ABL1: variants seen among roughly 807,000 people sequenced by gnomAD.
ABL1 encodes tyrosine-protein kinase ABL1.
In ABL1, 11 loss-of-function variants were observed where a neutral mutation model predicts 94.7. The ratio of observed to expected loss-of-function variants is 0.12; its 90% CI spans 0.07 to 0.19. ABL1 has a LOEUF of 0.19. ABL1 is among the 10% of genes least tolerant of loss of function. The pLI is 1.00. For synonymous variants in ABL1, 656 were observed against 622.4 expected (o/e 1.05, Z -0.80); for missense variants, 1,082 against 1,489.4 (o/e 0.73, Z 4.50).
In ABL1 at chr9:130,886,739, T is replaced by G. The variant is rs1831591570; in HGVS notation, c.*1056T>G. The G allele has an allele frequency of 4.3e-6, 1 of 233,424 alleles. No homozygotes were observed. The highest frequency in any genetic ancestry group is 2.2e-5 in the African/African-American group (1 of 45,338). The allele number at this position is 233,424 out of a possible 1,614,324, so 14.5% of individuals were successfully genotyped here. On this transcript the variant is annotated 3_prime_UTR_variant, in exon 11 of 11. Coordinates refer to ENST00000318560, the MANE Select transcript of ABL1 (RefSeq NM_005157.6). ...TCCTTTGGAACAAGACAGCCTTCAC[T>G]TTTCTGAGTTCTTGAAGCATTTCAA...
chr9:130,782,302 C>G (rs1236735531), intron 1 of ABL1, among the ~76,000 whole-genome samples: 2 of 152,166 alleles, frequency 1.3e-5, no homozygotes, highest in African/African-American at 4.8e-5. Flanking sequence ...CTCAAGTGAT[C>G]CGCCTGCCTT....
In ABL1 at chr9:130,863,853, G is replaced by C. The variant is rs976036068; in HGVS notation, c.822+818G>C. Among the ~76,000 whole-genome samples the C allele has an allele frequency of 6.6e-6, 1 of 152,136 alleles. No individual in the cohort carries two copies. The highest frequency in any genetic ancestry group is 2.4e-5 in the African/African-American group (1 of 41,420). On this transcript the variant is annotated intron_variant, in intron 4 of 10. Coordinates refer to ENST00000318560, the MANE Select transcript of ABL1 (RefSeq NM_005157.6). This position sits in a 1 kb window ranked among gnomAD's most constrained non-coding sequence, Gnocchi z 4.3. ...AAATGAACTTTGATTACCTTGACCT[G>C]TGCACAGAAATCAAGAGAGGCAGCC... is the stretch of plus-strand genomic sequence containing the variant.
intron 1 of ABL1, among the ~76,000 whole-genome samples, chr9:130,792,331 A>C (rs1283870498): frequency 1.3e-5 from 2 of 152,170 alleles, no homozygotes. Context: ...TCTGCCCTTC[A>C]AGTTCACATG....
At chr9:130,724,285 T>TA (rs200382512) in intron 1 of ABL1, among the ~76,000 whole-genome samples, 21 of 152,042 alleles carry the variant, frequency 1.4e-4, no homozygotes, top group African/African-American at 3.1e-4. Context: ...AGGCTCTCCA[T>TA]AAAAAAAATT....
rs201278085 is a variant in ABL1 at position 130,884,325 on chromosome 9, T to C, written c.2035T>C (p.Ser679Pro). Residue 679 changes from serine to proline, a missense_variant, in exon 11 of 11, where the codon TCA becomes CCA. Transcript: ENST00000318560. This position sits in a 1 kb window ranked among gnomAD's most constrained non-coding sequence, Gnocchi z 5.6. ...PNGALRESGG[S>P]GFRSPHLWKK... ...TGGAGCCCTCCGGGAGTCCGGGGGCTCAGGCTTCCGGTCTCCCCACCTGTG... is the reference window on the plus strand; with the variant it reads ...TGGAGCCCTCCGGGAGTCCGGGGGCCCAGGCTTCCGGTCTCCCCACCTGTG... The C allele has an allele frequency of 2.2e-5, 35 of 1,611,858 alleles. No individual in the cohort carries two copies. The highest frequency in any genetic ancestry group is 8.3e-5 in the Admixed American group (5 of 59,930).
chr9:130,839,440 A>C (rs1041846933), intron 1 of ABL1, among the ~76,000 whole-genome samples: 1 of 152,192 alleles, frequency 6.6e-6, no homozygotes, highest in African/African-American at 2.4e-5. Flanking sequence ...TCTGTTACCT[A>C]ATAAAAGGCC....
At chr9:130,881,790 C>T (rs1288901024) in intron 10 of ABL1, among the ~76,000 whole-genome samples, 1 of 151,342 alleles carries the variant, frequency 6.6e-6, no homozygotes, top group African/African-American at 2.4e-5. Flanking sequence ...AGGGACTGGA[C>T]AAAGCCCTAC....
At chr9:130,806,307 GC>G (rs1830124637) in intron 1 of ABL1, among the ~76,000 whole-genome samples, 1 of 152,176 alleles carries the variant, frequency 6.6e-6, no homozygotes, top group African/African-American at 2.4e-5. Flanking sequence ...TCACAGTCTG[GC>G]TCTTCTTTTG....
intron 3 of ABL1, among the ~76,000 whole-genome samples, chr9:130,860,543 C>T (rs373625054): frequency 5.3e-5 from 8 of 152,156 alleles, no homozygotes; most frequent in East Asian, 1.9e-4. Context: ...AGTTGGGGAA[C>T]GCTCCTTTGA....
chr9:130,743,606 T>C (rs185450949), intron 1 of ABL1, among the ~76,000 whole-genome samples: 1 of 152,268 alleles, frequency 6.6e-6, no homozygotes, highest in African/African-American at 2.4e-5. Flanking sequence ...GCAGAAGTAT[T>C]TTTATTACTT....
At chr9:130,802,384 A>C (rs1830067264) in intron 1 of ABL1, among the ~76,000 whole-genome samples, 1 of 152,084 alleles carries the variant, frequency 6.6e-6, no homozygotes, top group East Asian at 1.9e-4. Flanking sequence ...GTCAGCCACT[A>C]TGCCAGCCTT....
chr9:130,845,668 C>T (rs180684329), intron 1 of ABL1, among the ~76,000 whole-genome samples: 1 of 152,174 alleles, frequency 6.6e-6, no homozygotes, highest in East Asian at 1.9e-4. Context: ...GACATAGTTG[C>T]CACTGGACCT....
chr9:130,806,469 C>G (rs1830126636), intron 1 of ABL1, among the ~76,000 whole-genome samples: 1 of 152,214 alleles, frequency 6.6e-6, no homozygotes, highest in South Asian at 2.1e-4. Flanking sequence ...GTAAGCCAGG[C>G]CAGCTCTATT....
intron 1 of ABL1, among the ~76,000 whole-genome samples, chr9:130,768,247 A>G (rs1385441954): frequency 1.3e-5 from 2 of 152,062 alleles, no homozygotes; most frequent in Non-Finnish European, 2.9e-5. Flanking sequence ...TGGCAGCAGG[A>G]TTTACTTGGT....
At chr9:130,859,531 A>G (rs1433419040) in intron 3 of ABL1, among the ~76,000 whole-genome samples, 1 of 151,784 alleles carries the variant, frequency 6.6e-6, no homozygotes, top group Non-Finnish European at 1.5e-5. Context: ...TCTCGGGGGA[A>G]CTTGCTTCCT....
At position 130,753,586 on chromosome 9, in the gene ABL1, C is replaced by T. The variant is rs147453776; in HGVS notation, c.136+39131C>T. ...GATTACAGGCATGTGCCACCACAACCGGCCAATTTTTGTATTTTTAGTAGA... is the reference window on the plus strand; with the variant it reads ...GATTACAGGCATGTGCCACCACAACTGGCCAATTTTTGTATTTTTAGTAGA... On this transcript the variant is annotated intron_variant, in intron 1 of 10. Transcript: ENST00000372348. 8.6e-3 allele frequency among the ~76,000 whole-genome samples: 1,298 copies of T among 151,232 alleles called. 27 individuals are homozygous for T. Among genetic ancestry groups the T allele is most frequent in the African/African-American group, 0.03 (1,258 of 41,290 alleles).
intron 3 of ABL1, among the ~76,000 whole-genome samples, chr9:130,858,610 C>T (rs370344277): frequency 2.0e-5 from 3 of 152,132 alleles, no homozygotes; most frequent in African/African-American, 4.8e-5. Context: ...GAGTGAACAT[C>T]GTTAGAGGGA....
At chr9:130,758,969 T>G (rs1832076088) in intron 1 of ABL1, among the ~76,000 whole-genome samples, 1 of 152,180 alleles carries the variant, frequency 6.6e-6, no homozygotes, top group Non-Finnish European at 1.5e-5. Flanking sequence ...CTTTTTTTGG[T>G]GCTAGTTTGG....
Position 130,735,957 on chromosome 9 carries a change from A to ATG in ABL1, c.136+21503_136+21504insGT, listed in dbSNP as rs1238756333. ...TGCATATATATATATATATATATAT[A>ATG]TATATTTTTTTTTTTTAAGACAGGG... On this transcript the variant is annotated intron_variant, in intron 1 of 10. Transcript: ENST00000372348. 9.1e-3 allele frequency among the ~76,000 whole-genome samples: 400 copies of ATG among 43,802 alleles called. 7 individuals carry two copies. The highest frequency in any genetic ancestry group is 0.044 in the African/African-American group (364 of 8,308). 28.7% of individuals were successfully genotyped at this position (43,802 alleles called of 152,430 possible).
Sources: allele counts gnomAD v4.1 joint callset (sites outside exome capture counted in the v4.1 genomes callset), GRCh38; gene constraint gnomAD v4.1.1; non-coding constraint Gnocchi (gnomAD v3.1); transcripts MANE v1.5; gene names NCBI Gene and HGNC (gene_info 2026-07-23, HGNC 2026-07-21).